Variants in LRRIQ1 observed in about 807,000 individuals in gnomAD.
The protein encoded by LRRIQ1 is leucine-rich repeat- and IQ domain-containing protein 1.
In LRRIQ1, 210 loss-of-function variants were observed where a neutral mutation model predicts 211.9. The observed-to-expected ratio is 0.99, with a 90% CI of 0.89 to 1.11. The LOEUF is 1.11. Among genes scored for constraint, LRRIQ1 ranks in the 50% most tolerant of loss-of-function variants. The probability of loss-of-function intolerance (pLI) is 0.00; values close to 1 mark genes in which losing one functional copy is unlikely to be tolerated. For synonymous variants in LRRIQ1, 699 were observed against 650.1 expected (o/e 1.08, Z -1.14); for missense variants, 2,136 against 1,939.5 (o/e 1.10, Z -1.90).
intron 26 of LRRIQ1, among the ~76,000 whole-genome samples, chr12:85,237,721 A>G (rs2137235517): frequency 6.6e-6 from 1 of 152,258 alleles, no homozygotes; most frequent in East Asian, 1.9e-4. Context: ...CTAGATCCAC[A>G]TAGTAAAACA....
intron 7 of LRRIQ1, among the ~76,000 whole-genome samples, chr12:85,053,747 G>A (rs1055625968): frequency 2.0e-5 from 3 of 151,986 alleles, no homozygotes; most frequent in Non-Finnish European, 4.4e-5. Flanking sequence ...TCGCTCCGTC[G>A]CCCAGGCTGG....
intron 2 of LRRIQ1, among the ~76,000 whole-genome samples, chr12:85,039,509 T>C (rs558365840): frequency 1.3e-5 from 2 of 151,806 alleles, no homozygotes; most frequent in East Asian, 3.9e-4. Flanking sequence ...CAGGACTCAT[T>C]TTATGACATA....
At chr12:85,174,103 A>G (rs918319028) in intron 24 of LRRIQ1, among the ~76,000 whole-genome samples, 7 of 152,074 alleles carry the variant, frequency 4.6e-5, no homozygotes, top group Admixed American at 1.3e-4. Flanking sequence ...AAAATTAGGG[A>G]AAAAAGTAGC....
chr12:85,097,216 A>T (rs1232619650), intron 11 of LRRIQ1, among the ~76,000 whole-genome samples: 2 of 152,008 alleles, frequency 1.3e-5, no homozygotes, highest in African/African-American at 2.4e-5. Flanking sequence ...GGTTTAATTG[A>T]CTCACCTTTC....
intron 11 of LRRIQ1, among the ~76,000 whole-genome samples, chr12:85,082,066 G>C (rs1371935530): frequency 6.6e-6 from 1 of 152,012 alleles, no homozygotes; most frequent in Non-Finnish European, 1.5e-5. Context: ...TCCTTTTGAT[G>C]TAGATCCTTT....
intron 26 of LRRIQ1, among the ~76,000 whole-genome samples, chr12:85,236,845 A>ATATATATATATATATATC (rs1223576196): frequency 2.8e-5 from 4 of 141,554 alleles, no homozygotes; most frequent in African/African-American, 8.1e-5. Context: ...ATATATATAT[A>ATATATATATATATATATC]TATATATATA....
chr12:85,125,269 A>G (rs920545708), intron 17 of LRRIQ1, among the ~76,000 whole-genome samples: 1 of 152,196 alleles, frequency 6.6e-6, no homozygotes, highest in African/African-American at 2.4e-5. Flanking sequence ...TTTAAAGAGC[A>G]TCTTTGCACA....
chr12:85,245,548 A>G (rs1895680034), downstream of LRRIQ1, among the ~76,000 whole-genome samples: 1 of 149,692 alleles, frequency 6.7e-6, no homozygotes, highest in African/African-American at 2.4e-5. Flanking sequence ...GAGAAAGAAT[A>G]TAAAAATAAT....
chr12:85,066,190 C>G (rs1882409053), intron 9 of LRRIQ1, among the ~76,000 whole-genome samples: 1 of 151,826 alleles, frequency 6.6e-6, no homozygotes, highest in Non-Finnish European at 1.5e-5. Flanking sequence ...AAAATACATT[C>G]ATATCCCAAA....
At chr12:85,257,967 T>C (rs1216938521) in intron 1 of LRRIQ1, among the ~76,000 whole-genome samples, 1 of 151,808 alleles carries the variant, frequency 6.6e-6, no homozygotes, top group Non-Finnish European at 1.5e-5. Flanking sequence ...CAGTGCATAT[T>C]ATAAGGCAGC....
intron 14 of LRRIQ1, among the ~76,000 whole-genome samples, chr12:85,104,631 A>G (rs967593918): frequency 1.3e-5 from 2 of 151,848 alleles, no homozygotes; most frequent in Admixed American, 1.3e-4. Flanking sequence ...TTTATTAAAT[A>G]TATTTATTTT....
At chr12:85,044,649 G>C in intron 3 of LRRIQ1, 69 bp from the exon 4 acceptor site, 3 of 710,192 alleles carry the variant, frequency 4.2e-6, no homozygotes, top group Non-Finnish European at 7.0e-6. Flanking sequence ...ATTAAGAAAG[G>C]GTTTGAAATT....
At chr12:85,064,588 A>G (rs1882226294) in intron 8 of LRRIQ1, among the ~76,000 whole-genome samples, 1 of 151,626 alleles carries the variant, frequency 6.6e-6, no homozygotes, top group Non-Finnish European at 1.5e-5. Context: ...CTCAAGAAAT[A>G]TTTGCCCAGT....
chr12:85,196,401 G>A (rs910965526), intron 24 of LRRIQ1, among the ~76,000 whole-genome samples: 2 of 151,990 alleles, frequency 1.3e-5, no homozygotes, highest in African/African-American at 4.8e-5. Flanking sequence ...AAAGCTGGAG[G>A]CATCACACTA....
intron 14 of LRRIQ1, among the ~76,000 whole-genome samples, chr12:85,105,837 C>G (rs1396222538): frequency 1.2e-5 from 1 of 80,512 alleles, no homozygotes; most frequent in Non-Finnish European, 2.3e-5. Context: ...ATTCTTGTTT[C>G]CCAGGCTGGA....
intron 24 of LRRIQ1, among the ~76,000 whole-genome samples, chr12:85,165,172 A>G (rs1162267769): frequency 6.6e-6 from 1 of 152,138 alleles, no homozygotes; most frequent in Non-Finnish European, 1.5e-5. Flanking sequence ...ATTCAGGGGT[A>G]ACATGGGCAG....
intron 24 of LRRIQ1, among the ~76,000 whole-genome samples, chr12:85,169,355 A>G (rs1205591889): frequency 6.6e-6 from 1 of 152,180 alleles, no homozygotes; most frequent in African/African-American, 2.4e-5. Flanking sequence ...AAGCCCTTAG[A>G]TAATTGAAGA....
intron 23 of LRRIQ1, among the ~76,000 whole-genome samples, chr12:85,158,631 C>T (rs1890691239): frequency 6.6e-6 from 1 of 151,804 alleles, no homozygotes; most frequent in Non-Finnish European, 1.5e-5. Flanking sequence ...ATAATAGGGA[C>T]ATGGTTACTT....
rs1406629547 is a variant in LRRIQ1 at position 85,173,757 on chromosome 12, T to A, written c.4822+13043T>A. On this transcript the variant is annotated intron_variant, in intron 24 of 26. Transcript: ENST00000393217. ...CCACCCTCATTTCCTAATTTAACCC[T>A]AATTACCTCCTTAAAGACTGCATTA... Among the ~76,000 whole-genome samples the A allele has an allele frequency of 3.3e-5, 5 of 152,218 alleles. No homozygotes were observed. The South Asian group carries it at 1.0e-3, about 32-fold the overall frequency.
Sources: gnomAD v4.1 joint callset for allele counts (sites outside exome capture counted in the v4.1 genomes callset) on GRCh38, gnomAD v4.1.1 for gene constraint, MANE v1.5 for transcripts, NCBI Gene and HGNC (gene_info 2026-07-23, HGNC 2026-07-21) for gene names.